LRRC4C: variants seen among roughly 807,000 people sequenced by gnomAD.
LRRC4C encodes leucine rich repeat containing 4C.
Under a neutral mutation model 33.6 loss-of-function variants are expected in LRRC4C, and 5 were observed. That is an observed-to-expected ratio of 0.15 (90% CI 0.08 to 0.31). The LOEUF (loss-of-function observed/expected upper bound fraction) is 0.31. Among genes scored for constraint, LRRC4C ranks in the 10% least tolerant of loss-of-function variants. The pLI, the probability that LRRC4C is intolerant of heterozygous loss-of-function variation, is 1.00. For synonymous variants in LRRC4C, 329 were observed against 302.0 expected, an observed-to-expected ratio of 1.09 and a Z score of -0.93; for missense variants, 560 against 796.7, an observed-to-expected ratio of 0.70 and a Z score of 3.58.
At chr11:40,217,481 C>G (rs905189251) in intron 5 of LRRC4C, among the ~76,000 whole-genome samples, 4 of 152,038 alleles carry the variant, frequency 2.6e-5, no homozygotes, top group African/African-American at 7.2e-5. Flanking sequence ...GATTCTATCA[C>G]GTACTACTTT....
chr11:41,200,243 C>G (rs1946349326), intron 1 of LRRC4C, among the ~76,000 whole-genome samples: 1 of 152,078 alleles, frequency 6.6e-6, no homozygotes, highest in Non-Finnish European at 1.5e-5. Flanking sequence ...ATGGTGACAG[C>G]AGGTTCTAAA....
At chr11:40,229,022 A>G (rs1488688856) in intron 5 of LRRC4C, among the ~76,000 whole-genome samples, 2 of 152,216 alleles carry the variant, frequency 1.3e-5, no homozygotes, top group African/African-American at 4.8e-5. Flanking sequence ...GCACATCAGA[A>G]GTTTTAATTC....
intron 1 of LRRC4C, among the ~76,000 whole-genome samples, chr11:41,294,368 T>A (rs1424599864): frequency 6.6e-6 from 1 of 152,168 alleles, no homozygotes; most frequent in African/African-American, 2.4e-5. Context: ...ACTTACTTAG[T>A]CAGCTGTGAT....
At chr11:40,352,157 TCC>T (rs1271209617) in intron 3 of LRRC4C, among the ~76,000 whole-genome samples, 4 of 143,166 alleles carry the variant, frequency 2.8e-5, no homozygotes, top group Non-Finnish European at 6.1e-5. Flanking sequence ...CTTCCTTCCT[TCC>T]TTCCTTCCCT....
At chr11:40,611,050 A>G (rs781445207) in intron 3 of LRRC4C, among the ~76,000 whole-genome samples, 2 of 151,918 alleles carry the variant, frequency 1.3e-5, no homozygotes, top group Non-Finnish European at 2.9e-5. Context: ...GGAACCACAA[A>G]GGATCCCAAA....
At chr11:40,924,530 AT>A (rs1592105916) in intron 2 of LRRC4C, among the ~76,000 whole-genome samples, 3 of 152,162 alleles carry the variant, frequency 2.0e-5, no homozygotes, top group Non-Finnish European at 4.4e-5. Flanking sequence ...AGATTAGTTA[AT>A]GGTATTAATA....
At chr11:41,242,186 C>T (rs1948277702) in intron 1 of LRRC4C, among the ~76,000 whole-genome samples, 1 of 152,070 alleles carries the variant, frequency 6.6e-6, no homozygotes, top group South Asian at 2.1e-4. Context: ...AAGGACACTA[C>T]TTTGATTTTC....
At chr11:41,176,741 T>C (rs1420473336) in intron 1 of LRRC4C, among the ~76,000 whole-genome samples, 1 of 152,086 alleles carries the variant, frequency 6.6e-6, no homozygotes, top group African/African-American at 2.4e-5. Flanking sequence ...CGCAGGCGGA[T>C]TGCCTGAGCT....
At chr11:40,684,700 A>G (rs970548144) in intron 2 of LRRC4C, among the ~76,000 whole-genome samples, 2 of 152,034 alleles carry the variant, frequency 1.3e-5, no homozygotes, top group Non-Finnish European at 2.9e-5. Context: ...AATACCAAAG[A>G]AAAAAAGACA....
chr11:41,067,470 A>G (rs1013442085), intron 1 of LRRC4C, among the ~76,000 whole-genome samples: 1 of 152,230 alleles, frequency 6.6e-6, no homozygotes, highest in African/African-American at 2.4e-5. Context: ...TAACAGTAGA[A>G]GACTTTAACA....
intron 6 of LRRC4C, among the ~76,000 whole-genome samples, chr11:40,118,307 A>G (rs2927211): frequency 0.028 from 4,196 of 151,492 alleles, 211 homozygotes; most frequent in African/African-American, 0.095. Context: ...TTGAGTTCTG[A>G]CAATGTGGGA....
chr11:41,122,344 G>A (rs2135773128), intron 1 of LRRC4C, among the ~76,000 whole-genome samples: 1 of 152,228 alleles, frequency 6.6e-6, no homozygotes, highest in Admixed American at 6.5e-5. Flanking sequence ...ATTACTAATA[G>A]CTGGAATGAT....
intron 1 of LRRC4C, among the ~76,000 whole-genome samples, chr11:41,032,797 T>TG (rs1590300129): frequency 6.6e-6 from 1 of 152,088 alleles, no homozygotes; most frequent in East Asian, 1.9e-4. Flanking sequence ...TTAGTTATGG[T>TG]GAATGCATTT....
At chr11:40,143,265 C>T (rs1857497475) in intron 5 of LRRC4C, among the ~76,000 whole-genome samples, 1 of 152,206 alleles carries the variant, frequency 6.6e-6, no homozygotes, top group Non-Finnish European at 1.5e-5. Context: ...CTTCTAATTT[C>T]TCCACATAGT....
intron 1 of LRRC4C, among the ~76,000 whole-genome samples, chr11:40,967,896 A>G (rs1465816655): frequency 1.3e-5 from 2 of 151,958 alleles, no homozygotes; most frequent in Non-Finnish European, 2.9e-5. Context: ...AATGAGACCA[A>G]TTAATAAGCT....
At chr11:40,680,036 A>G (rs1223410166) in intron 2 of LRRC4C, among the ~76,000 whole-genome samples, 2 of 152,148 alleles carry the variant, frequency 1.3e-5, no homozygotes, top group African/African-American at 4.8e-5. Context: ...GCTACCCAAG[A>G]TTATGGGAAC....
Position 40,739,713 on chromosome 11 carries a change from A to C in LRRC4C, c.-406-91435T>G, listed in dbSNP as rs1948068880. On this transcript the variant is annotated intron_variant, in intron 2 of 6. Coordinates refer to ENST00000528697, the MANE Select transcript of LRRC4C (RefSeq NM_001258419.2). ...TCTGATACGGTTATAAGCATCTGGC[A>C]GTTCTTCTATTCACACTCTCTCCTG... 2.0e-5 allele frequency among the ~76,000 whole-genome samples: 3 copies of C among 151,868 alleles called. No homozygotes were observed. The South Asian group carries it at 6.2e-4, about 32-fold the overall frequency.
chr11:40,511,691 A>G (rs1164400020), intron 3 of LRRC4C, among the ~76,000 whole-genome samples: 4 of 152,220 alleles, frequency 2.6e-5, no homozygotes, highest in African/African-American at 9.6e-5. Context: ...GGAATGCCAC[A>G]CTTAGTAAAT....
At chr11:41,017,098 A>G (rs1855641572) in intron 1 of LRRC4C, among the ~76,000 whole-genome samples, 1 of 152,194 alleles carries the variant, frequency 6.6e-6, no homozygotes, top group Non-Finnish European at 1.5e-5. Flanking sequence ...GTCCGATACT[A>G]AGGACTTGTT....
Sources: allele counts gnomAD v4.1 joint callset (sites outside exome capture counted in the v4.1 genomes callset), GRCh38; gene constraint gnomAD v4.1.1; transcripts MANE v1.5; gene names NCBI Gene and HGNC (gene_info 2026-07-23, HGNC 2026-07-21).